ROCK1: variants seen among roughly 807,000 people sequenced by gnomAD.
ROCK1 encodes Rho associated coiled-coil containing protein kinase 1.
In ROCK1, 36 loss-of-function variants were observed where a neutral mutation model predicts 196.8. That is an observed-to-expected ratio of 0.18 (90% CI 0.14 to 0.24). ROCK1 has a LOEUF of 0.24. Ranked by LOEUF, ROCK1 falls within the 10% of genes least tolerant of loss-of-function variation. ROCK1 has a pLI of 1.00. For synonymous variants in ROCK1, 443 were observed against 515.9 expected (o/e 0.86, Z 1.91); for missense variants, 920 against 1,562.0 (o/e 0.59, Z 6.93).
At chr18:20,978,438 A>G (rs909181897) in intron 22 of ROCK1, among the ~76,000 whole-genome samples, 9 of 152,352 alleles carry the variant, frequency 5.9e-5, no homozygotes, top group Admixed American at 5.9e-4. Context: ...GAAATGTTCT[A>G]TATCTGTACC....
rs1292863171 is a variant in ROCK1 at position 21,043,583 on chromosome 18, TATATACATATACATA to T, written c.675+504_675+518del. Among the ~76,000 whole-genome samples, 489 of 148,222 alleles carry T rather than the reference TATATACATATACATA, an allele frequency of 3.3e-3. 2 individuals carry two copies. Among genetic ancestry groups the T allele is most frequent in the African/African-American group, 0.011 (466 of 40,552 alleles). The stretch of plus-strand genomic sequence containing the variant: ...TATATACATATACATAATGTATATG[TATATACATATACATA>T]ATATGTATATACATATACAGCTGTG... On this transcript the variant is annotated intron_variant, in intron 6 of 32. Transcript: ENST00000399799.
chr18:21,100,146 A>AAAAG (rs2036646071), intron 1 of ROCK1, among the ~76,000 whole-genome samples: 1 of 151,420 alleles, frequency 6.6e-6, no homozygotes, highest in Non-Finnish European at 1.5e-5. Flanking sequence ...GTACTGGAAA[A>AAAAG]AAAGAAAAAA....
At chr18:21,038,639 T>C (rs569128455) in intron 9 of ROCK1, among the ~76,000 whole-genome samples, 6 of 152,220 alleles carry the variant, frequency 3.9e-5, no homozygotes, top group Non-Finnish European at 8.8e-5. Context: ...ATAACTACTG[T>C]GTAACTTTCT....
chr18:21,087,600 AAAG>A (rs2036538015), intron 1 of ROCK1, among the ~76,000 whole-genome samples: 1 of 152,208 alleles, frequency 6.6e-6, no homozygotes, highest in Admixed American at 6.5e-5. Context: ...TATGATCACA[AAAG>A]AGTCAATCCA....
intron 17 of ROCK1, among the ~76,000 whole-genome samples, chr18:20,992,243 T>C (rs1487156879): frequency 1.3e-5 from 2 of 152,344 alleles, no homozygotes; most frequent in African/African-American, 2.4e-5. Context: ...GTAGTGGCTT[T>C]TCTGATAATT....
intron 16 of ROCK1, among the ~76,000 whole-genome samples, chr18:21,004,615 T>C (rs1009281028): frequency 2.6e-5 from 4 of 152,212 alleles, no homozygotes; most frequent in African/African-American, 9.6e-5. Context: ...TCTCTGCCTC[T>C]GAAGCAAGGA....
At chr18:20,957,006 T>G (rs2035248769) in intron 29 of ROCK1, among the ~76,000 whole-genome samples, 1 of 152,146 alleles carries the variant, frequency 6.6e-6, no homozygotes, top group African/African-American at 2.4e-5. Flanking sequence ...AATCAAAGGT[T>G]GATATCACCA....
intron 18 of ROCK1, among the ~76,000 whole-genome samples, chr18:20,988,276 CA>C (rs2035594090): frequency 6.6e-6 from 1 of 151,994 alleles, no homozygotes; most frequent in African/African-American, 2.4e-5. Context: ...CCATGTTGCC[CA>C]GGCTGGTCTC....
chr18:21,024,704 T>C (rs549801960), intron 10 of ROCK1, among the ~76,000 whole-genome samples: 10 of 152,218 alleles, frequency 6.6e-5, no homozygotes, highest in African/African-American at 1.7e-4. Context: ...TCAATAAACA[T>C]ACACAGTACA....
chr18:21,064,598 G>T (rs2036318508), intron 2 of ROCK1, among the ~76,000 whole-genome samples: 1 of 152,204 alleles, frequency 6.6e-6, no homozygotes, highest in Admixed American at 6.5e-5. Flanking sequence ...TTCTAACCAG[G>T]AAGGATGGGA....
intron 1 of ROCK1, among the ~76,000 whole-genome samples, chr18:21,071,266 C>T (rs955534030): frequency 4.0e-5 from 6 of 151,250 alleles, no homozygotes; most frequent in Non-Finnish European, 7.4e-5. Flanking sequence ...GCAACCTCCA[C>T]CTCCTGGGCT....
At chr18:21,033,074 G>A (rs1260696556) in intron 9 of ROCK1, among the ~76,000 whole-genome samples, 19 of 152,032 alleles carry the variant, frequency 1.2e-4, no homozygotes, top group Non-Finnish European at 2.1e-4. Context: ...ACACATGACC[G>A]TGGTCCTAGC....
chr18:21,017,835 T>C (rs1489556711), intron 12 of ROCK1, among the ~76,000 whole-genome samples: 3 of 151,226 alleles, frequency 2.0e-5, no homozygotes, highest in Non-Finnish European at 2.9e-5. Context: ...TAGCCAGGCA[T>C]GGTGGCGGGC....
intron 4 of ROCK1, 79 bp downstream of exon 4, chr18:21,049,010 ATTC>A (rs1471482352): frequency 7.8e-7 from 1 of 1,274,430 alleles, no homozygotes; most frequent in African/African-American, 1.5e-5. Flanking sequence ...CTCTACTACT[ATTC>A]TAAAACACAA....
chr18:20,992,935 G>C lies in ROCK1; in HGVS notation c.1888C>G (p.Arg630Gly). Residue 630 changes from arginine to glycine, a missense_variant and splice_region_variant, in exon 17 of 33, where the codon CGA becomes GGA. This residue lies in a region of ROCK1 where 520 missense variants were observed against 657.1 expected (regional missense o/e 0.79). Coordinates refer to ENST00000399799, the MANE Select transcript of ROCK1 (RefSeq NM_005406.3). ...ACCTCCTCTTGTAAAGATGTAATTCGAGCTATCAAGTGAGAAAAAAGTTCA... is the reference window on the plus strand; with the variant it reads ...ACCTCCTCTTGTAAAGATGTAATTCCAGCTATCAAGTGAGAAAAAAGTTCA... ...DSEMIGDLQA[R>G]ITSLQEEVKH... 6.3e-7 allele frequency: 1 copy of C among 1,598,814 alleles called. No individual in the cohort carries two copies. Among genetic ancestry groups the C allele is most frequent in the Non-Finnish European group, 8.6e-7 (1 of 1,167,544 alleles).
Position 21,028,937 on chromosome 18 carries a change from TA to T in ROCK1, c.1052-3del. ...AATCGGGTACAACTGGTGCTACAGCTAAAGACAAAACAAAATTAGTTGTTCA... is the reference window on the plus strand; with the variant it reads ...AATCGGGTACAACTGGTGCTACAGCTAAGACAAAACAAAATTAGTTGTTCA... On this transcript the variant is annotated splice_region_variant and splice_polypyrimidine_tract_variant and intron_variant, in intron 9 of 32. Transcript: ENST00000399799. The T allele has an allele frequency of 1.2e-6, 2 of 1,603,922 alleles. No individual in the cohort carries two copies. Among genetic ancestry groups the T allele is most frequent in the Non-Finnish European group, 8.5e-7 (1 of 1,177,794 alleles).
chr18:21,082,628 C>T (rs1002688928), intron 1 of ROCK1, among the ~76,000 whole-genome samples: 2 of 152,088 alleles, frequency 1.3e-5, no homozygotes, highest in African/African-American at 4.8e-5. Context: ...AAATTCAACA[C>T]CCTCTCATAA....
chr18:21,062,730 C>T (rs1172553838), intron 2 of ROCK1, among the ~76,000 whole-genome samples: 1 of 152,102 alleles, frequency 6.6e-6, no homozygotes, highest in Non-Finnish European at 1.5e-5. Context: ...TAAGCGTTAA[C>T]ATCACCAGTG....
intron 13 of ROCK1, 89 bp downstream of exon 13, chr18:21,015,342 G>T: frequency 1.1e-6 from 1 of 886,230 alleles, no homozygotes; most frequent in Non-Finnish European, 1.8e-6. Context: ...TCAAACTACA[G>T]AATTCAAATA....
Sources: allele counts gnomAD v4.1 joint callset (sites outside exome capture counted in the v4.1 genomes callset), GRCh38; gene constraint gnomAD v4.1.1; regional missense constraint gnomAD v4.1.1; transcripts MANE v1.5; gene names NCBI Gene and HGNC (gene_info 2026-07-23, HGNC 2026-07-21).